The following RAB11FIP4 variants were observed in gnomAD, a reference collection of about 807,000 sequenced individuals.
RAB11FIP4 encodes RAB11 family interacting protein 4.
A neutral mutation model predicts 74.3 loss-of-function variants in RAB11FIP4; 23 were observed. The observed-to-expected ratio is 0.31, with a 90% CI of 0.22 to 0.44. RAB11FIP4 has a LOEUF of 0.44. RAB11FIP4 is among the 20% of genes least tolerant of loss of function. RAB11FIP4 has a pLI of 1.00. For synonymous variants in RAB11FIP4, 360 were observed against 359.9 expected (o/e 1.00, Z 0.00); for missense variants, 630 against 863.9 (o/e 0.73, Z 3.39).
At chr17:31,489,130 G>T (rs1433462767) in intron 3 of RAB11FIP4, among the ~76,000 whole-genome samples, 2 of 152,210 alleles carry the variant, frequency 1.3e-5, no homozygotes, top group African/African-American at 4.8e-5. Flanking sequence ...TCTGGGTCCT[G>T]TCTCTGCACT....
At chr17:31,427,843 G>A (rs1315414274) in intron 1 of RAB11FIP4, among the ~76,000 whole-genome samples, 3 of 152,216 alleles carry the variant, frequency 2.0e-5, no homozygotes, top group Non-Finnish European at 2.9e-5. Context: ...CCCTGCAGGT[G>A]GCACCTGGGC....
chr17:31,514,946 T>C (rs2072519042), intron 3 of RAB11FIP4, among the ~76,000 whole-genome samples: 1 of 151,960 alleles, frequency 6.6e-6, no homozygotes, highest in Non-Finnish European at 1.5e-5. Context: ...GTGTGGGAGG[T>C]GTCAAGGATA....
intron 3 of RAB11FIP4, among the ~76,000 whole-genome samples, chr17:31,500,157 G>A (rs888657713): frequency 6.6e-6 from 1 of 152,132 alleles, no homozygotes; most frequent in African/African-American, 2.4e-5. Context: ...CCCCATCCAG[G>A]ACTTGGTTAA....
At chr17:31,417,836 T>C (rs1175075173) in intron 1 of RAB11FIP4, among the ~76,000 whole-genome samples, 3 of 152,220 alleles carry the variant, frequency 2.0e-5, no homozygotes, top group African/African-American at 4.8e-5. Context: ...ATGGGGGCTA[T>C]GCCTGTAATC....
chr17:31,515,650 T>G (rs970398614), intron 3 of RAB11FIP4, among the ~76,000 whole-genome samples: 2 of 152,116 alleles, frequency 1.3e-5, no homozygotes, highest in Non-Finnish European at 2.9e-5. Flanking sequence ...CTTCTTGTAG[T>G]CTCGGGACTG....
At chr17:31,499,396 G>C (rs571626689) in intron 3 of RAB11FIP4, among the ~76,000 whole-genome samples, 1 of 151,536 alleles carries the variant, frequency 6.6e-6, no homozygotes, top group Non-Finnish European at 1.5e-5. Context: ...TCACTCTGTC[G>C]CCAGGCTGGA....
intron 1 of RAB11FIP4, among the ~76,000 whole-genome samples, chr17:31,409,473 G>T (rs1468502474): frequency 6.6e-6 from 1 of 152,158 alleles, no homozygotes; most frequent in Non-Finnish European, 1.5e-5. Context: ...CTCAGCGGCA[G>T]TCCACCCAAA....
intron 3 of RAB11FIP4, among the ~76,000 whole-genome samples, chr17:31,509,956 A>T (rs927495432): frequency 3.9e-5 from 6 of 152,118 alleles, no homozygotes; most frequent in African/African-American, 1.4e-4. Context: ...AAAACCTCTT[A>T]TCAGCAACTG....
intron 1 of RAB11FIP4, among the ~76,000 whole-genome samples, chr17:31,402,925 A>C (rs1041859214): frequency 1.3e-5 from 2 of 151,700 alleles, no homozygotes; most frequent in South Asian, 2.1e-4. Flanking sequence ...GCGCCTGGCC[A>C]GATTATTTTT....
intron 3 of RAB11FIP4, chr17:31,488,094 G>T: frequency 9.8e-7 from 1 of 1,016,454 alleles, no homozygotes; most frequent in Non-Finnish European, 1.2e-6. Context: ...GGCGGGGGCG[G>T]GGCCGCGCCT....
chr17:31,529,898 G>A (rs1437976998), intron 13 of RAB11FIP4, among the ~76,000 whole-genome samples: 1 of 152,196 alleles, frequency 6.6e-6, no homozygotes, highest in Non-Finnish European at 1.5e-5. Flanking sequence ...GGGTCCGCCT[G>A]GGTCAACTCC....
intron 4 of RAB11FIP4, among the ~76,000 whole-genome samples, chr17:31,520,396 G>T (rs1438091251): frequency 6.6e-6 from 1 of 151,942 alleles, no homozygotes; most frequent in African/African-American, 2.4e-5. Context: ...GTATTACTCC[G>T]AATGTTTTTT....
intron 3 of RAB11FIP4, among the ~76,000 whole-genome samples, chr17:31,509,803 G>T (rs2072419141): frequency 6.6e-6 from 1 of 152,120 alleles, no homozygotes; most frequent in Admixed American, 6.5e-5. Flanking sequence ...TGGCTCTGTT[G>T]GGGTGAGCCG....
chr17:31,431,752 C>T, intron 1 of RAB11FIP4, 61 bp from the exon 2 acceptor site: 1 of 1,096,046 alleles, frequency 9.1e-7, no homozygotes, highest in Non-Finnish European at 1.4e-6. Flanking sequence ...CCCCACCCAG[C>T]TCCCTGAGTC....
intron 3 of RAB11FIP4, among the ~76,000 whole-genome samples, chr17:31,461,639 C>G (rs149573590): frequency 6.6e-6 from 1 of 152,198 alleles, no homozygotes; most frequent in East Asian, 1.9e-4. Flanking sequence ...CACCTGGGAT[C>G]TCAAACTCCC....
At chr17:31,514,453 GT>G (rs1230360617) in intron 3 of RAB11FIP4, among the ~76,000 whole-genome samples, 1 of 151,078 alleles carries the variant, frequency 6.6e-6, no homozygotes, top group Non-Finnish European at 1.5e-5. Flanking sequence ...GGGAAGGTGG[GT>G]GTTGGGGAAA....
At chr17:31,501,210 C>A in intron 3 of RAB11FIP4, among the ~76,000 whole-genome samples, 2 of 143,112 alleles carry the variant, frequency 1.4e-5, no homozygotes, top group South Asian at 2.2e-4. Context: ...TTTTTTAGGA[C>A]AGACCAAAAA....
chr17:31,505,425 A>T (rs373638131), intron 3 of RAB11FIP4, among the ~76,000 whole-genome samples: 6 of 81,434 alleles, frequency 7.4e-5, no homozygotes, highest in Non-Finnish European at 1.3e-4. Flanking sequence ...TTATATATTA[A>T]TATATAATTA....
At chr17:31,490,731 T>C (rs2071991855) in intron 3 of RAB11FIP4, among the ~76,000 whole-genome samples, 1 of 152,154 alleles carries the variant, frequency 6.6e-6, no homozygotes, top group Non-Finnish European at 1.5e-5. Flanking sequence ...TTTTTGTTTT[T>C]GTTTTTGTAG....
Sources: gnomAD v4.1 joint callset for allele counts (sites outside exome capture counted in the v4.1 genomes callset) on GRCh38, gnomAD v4.1.1 for gene constraint, MANE v1.5 for transcripts, NCBI Gene and HGNC (gene_info 2026-07-23, HGNC 2026-07-21) for gene names.